The following MARCHF1 variants were observed in gnomAD, a reference collection of about 807,000 sequenced individuals.
MARCHF1 encodes the protein E3 ubiquitin-protein ligase MARCHF1.
MARCHF1 carries 40 observed loss-of-function variants against 54.2 expected under a neutral mutation model. The ratio of observed to expected loss-of-function variants is 0.74; its 90% CI spans 0.57 to 0.96. MARCHF1 has a LOEUF of 0.96. Among genes scored for constraint, MARCHF1 ranks in the 40% least tolerant of loss-of-function variants. MARCHF1 has a pLI of 0.00. For synonymous variants in MARCHF1, 236 were observed against 236.3 expected (o/e 1.00, Z 0.01); for missense variants, 586 against 656.5 (o/e 0.89, Z 1.17).
chr4:164,356,231 A>G (rs1478987061), intron 1 of MARCHF1, among the ~76,000 whole-genome samples: 16 of 113,374 alleles, frequency 1.4e-4, no homozygotes, highest in African/African-American at 3.5e-4. Context: ...ATCTAGAACT[A>G]GAAATACCAT....
chr4:163,559,395 G>T (rs1247451802), intron 8 of MARCHF1, among the ~76,000 whole-genome samples: 1 of 152,120 alleles, frequency 6.6e-6, no homozygotes, highest in Non-Finnish European at 1.5e-5. Flanking sequence ...AGTGGTTGGC[G>T]ATTTGGAAAG....
intron 4 of MARCHF1, among the ~76,000 whole-genome samples, chr4:163,844,138 T>C (rs1749419819): frequency 6.6e-6 from 1 of 151,996 alleles, no homozygotes. Context: ...AACCTTCCAC[T>C]CTCTGAAAGG....
intron 1 of MARCHF1, among the ~76,000 whole-genome samples, chr4:164,235,859 C>A (rs1050618276): frequency 9.2e-5 from 14 of 151,970 alleles, no homozygotes; most frequent in Non-Finnish European, 1.3e-4. Flanking sequence ...ATCTATGTAA[C>A]AAAAAACAAC....
rs1173540243 is a variant in MARCHF1, at chr4:164,049,225, G to C, written c.-247-60516C>G. On this transcript the variant is annotated intron_variant, in intron 2 of 9. Coordinates refer to ENST00000514618, the MANE Select transcript of MARCHF1 (RefSeq NM_001394959.1). Reference sequence around the variant, plus strand: ...GTGGCAGGTGAGAGAGAGACAGCAAGGAAGTGCCACACTTAAAACCATCAG... The same window carrying C: ...GTGGCAGGTGAGAGAGAGACAGCAACGAAGTGCCACACTTAAAACCATCAG... 3.9e-5 allele frequency among the ~76,000 whole-genome samples: 6 copies of C among 152,156 alleles called. No homozygotes were observed. In the East Asian group the frequency reaches 9.6e-4, roughly 24 times the overall value.
At chr4:163,624,951 T>A (rs532185242) in intron 5 of MARCHF1, among the ~76,000 whole-genome samples, 137 of 152,298 alleles carry the variant, frequency 9.0e-4, no homozygotes, top group Non-Finnish European at 1.7e-3. Flanking sequence ...TTCCTTTCCT[T>A]TATCAAAAGG....
intron 7 of MARCHF1, among the ~76,000 whole-genome samples, chr4:163,611,198 G>A (rs1172160305): frequency 5.3e-5 from 8 of 151,944 alleles, no homozygotes; most frequent in Non-Finnish European, 7.4e-5. Context: ...TCAATGTCTA[G>A]AATAAAGCTT....
chr4:164,125,487 T>C (rs529395525), intron 1 of MARCHF1, among the ~76,000 whole-genome samples: 1 of 152,278 alleles, frequency 6.6e-6, no homozygotes, highest in Admixed American at 6.5e-5. Flanking sequence ...ATCCAAAATG[T>C]ACATCAAGAG....
At chr4:164,096,739 C>A (rs1236759479) in intron 2 of MARCHF1, among the ~76,000 whole-genome samples, 1 of 152,044 alleles carries the variant, frequency 6.6e-6, no homozygotes, top group Non-Finnish European at 1.5e-5. Flanking sequence ...GATTAATTCA[C>A]CTTGTACCCA....
chr4:163,918,742 C>T (rs540060484), intron 3 of MARCHF1, among the ~76,000 whole-genome samples: 39 of 146,538 alleles, frequency 2.7e-4, no homozygotes, highest in African/African-American at 9.2e-4. Context: ...TTTATTTTTG[C>T]TAATGTATGC....
chr4:163,755,915 T>A (rs1746652766), intron 4 of MARCHF1, among the ~76,000 whole-genome samples: 1 of 152,206 alleles, frequency 6.6e-6, no homozygotes, highest in African/African-American at 2.4e-5. Flanking sequence ...TCAGTTGAAC[T>A]CAAATTACTG....
intron 2 of MARCHF1, among the ~76,000 whole-genome samples, chr4:163,996,260 T>C (rs1579448187): frequency 6.6e-6 from 1 of 152,116 alleles, no homozygotes; most frequent in East Asian, 1.9e-4. Flanking sequence ...GTATAATTAG[T>C]AACGTGGAAA....
intron 4 of MARCHF1, among the ~76,000 whole-genome samples, chr4:163,747,993 G>A (rs900003474): frequency 2.6e-5 from 4 of 152,150 alleles, no homozygotes; most frequent in Non-Finnish European, 5.9e-5. Context: ...CCAAAAACCT[G>A]GAGCCCACAC....
At position 163,525,730 on chromosome 4, in the gene MARCHF1, A is replaced by ATTTC. The variant is rs1354791115; in HGVS notation, c.*3014_*3017dup. ...GTCCTTTTTTTTTCAATTCCATTTTATTTCTTCCACGAGCAGGTAAACATG... is the reference window on the plus strand; with the variant it reads ...GTCCTTTTTTTTTCAATTCCATTTTATTTCTTTCTTCCACGAGCAGGTAAACATG... On this transcript the variant is annotated 3_prime_UTR_variant, in exon 10 of 10. Transcript: ENST00000514618. 2 of 151,342 alleles carry ATTTC rather than the reference A, an allele frequency of 1.3e-5. No individual in the cohort carries two copies. Among genetic ancestry groups the ATTTC allele is most frequent in the African/African-American group, 4.9e-5 (2 of 41,136 alleles). 9.4% of individuals were successfully genotyped at this position (151,342 alleles called of 1,614,324 possible). A position where few individuals can be genotyped will look rare whatever the true frequency, so the allele number is the denominator to read the frequency against.
chr4:163,647,179 T>C (rs908438738), intron 5 of MARCHF1, among the ~76,000 whole-genome samples: 1 of 152,054 alleles, frequency 6.6e-6, no homozygotes, highest in Non-Finnish European at 1.5e-5. Context: ...CACTATATAA[T>C]GATAAAGGGG....
At chr4:164,116,600 A>C (rs1755944258) in intron 1 of MARCHF1, among the ~76,000 whole-genome samples, 1 of 151,376 alleles carries the variant, frequency 6.6e-6, no homozygotes, top group African/African-American at 2.5e-5. Context: ...ATTTAAATTT[A>C]AGTAGTTAAA....
Position 163,585,738 on chromosome 4 carries a change from G to C in MARCHF1, c.1191+11C>G. 1 of 1,548,596 alleles carries C rather than the reference G, an allele frequency of 6.5e-7. No homozygotes were observed. The highest frequency in any genetic ancestry group is 8.7e-7 in the Non-Finnish European group (1 of 1,145,112). On this transcript the variant is annotated intron_variant, in intron 8 of 9. Coordinates refer to ENST00000514618, the MANE Select transcript of MARCHF1 (RefSeq NM_001394959.1). ...TGGTCCCTCCCAAACCAATTCCTAT[G>C]GATACTGTACCTTCCGGAGGGGTTT...
At chr4:163,547,157 G>A (rs773362607) in intron 8 of MARCHF1, among the ~76,000 whole-genome samples, 1 of 152,168 alleles carries the variant, frequency 6.6e-6, no homozygotes, top group African/African-American at 2.4e-5. Flanking sequence ...ATAAAGTCCT[G>A]TCTCTGCCAC....
At chr4:164,311,187 G>A (rs916810950) in intron 1 of MARCHF1, among the ~76,000 whole-genome samples, 3 of 151,992 alleles carry the variant, frequency 2.0e-5, no homozygotes, top group African/African-American at 7.2e-5. Context: ...ACTGAATTGC[G>A]GATAGATATG....
chr4:163,741,267 G>C lies in MARCHF1; in HGVS notation c.112-40404C>G, dbSNP rs116837711. ...GTGCTTTTATGGTTTAATTGATTAC[G>C]AGTGTTATTGATGTGTTAGTACCTG... On this transcript the variant is annotated intron_variant, in intron 4 of 9. Transcript: ENST00000514618. Among the ~76,000 whole-genome samples, 1,150 of 152,138 alleles carry C rather than the reference G, an allele frequency of 7.6e-3. 8 individuals carry two copies. The highest frequency in any genetic ancestry group is 0.022 in the South Asian group (104 of 4,814).
Sources: allele counts gnomAD v4.1 joint callset (sites outside exome capture counted in the v4.1 genomes callset), GRCh38; gene constraint gnomAD v4.1.1; transcripts MANE v1.5; gene names NCBI Gene and HGNC (gene_info 2026-07-23, HGNC 2026-07-21).